MRPS28: variants seen among roughly 807,000 people sequenced by gnomAD.
The protein encoded by MRPS28 is mitochondrial ribosomal protein S28.
MRPS28 carries 7 observed loss-of-function variants against 10.8 expected under a neutral mutation model. The observed-to-expected ratio is 0.65, with a 90% confidence interval of 0.37 to 1.22. The LOEUF is 1.22. Ranked by LOEUF, MRPS28 falls within the 50% of genes most tolerant of loss-of-function variation. The pLI, the probability that MRPS28 is intolerant of heterozygous loss-of-function variation, is 0.02. For missense variants in MRPS28, 265 were observed against 232.9 expected (o/e 1.14, Z -0.90); for synonymous variants, 121 against 93.3 (o/e 1.30, Z -1.71).
At chr8:80,024,843 G>C (rs1809457761) in intron 1 of MRPS28, among the ~76,000 whole-genome samples, 2 of 152,182 alleles carry the variant, frequency 1.3e-5, no homozygotes, top group Non-Finnish European at 2.9e-5. Context: ...AAACAGGTTT[G>C]TAAATGACTT....
At chr8:80,014,533 T>C (rs1453189402) in intron 1 of MRPS28, among the ~76,000 whole-genome samples, 1 of 152,244 alleles carries the variant, frequency 6.6e-6, no homozygotes, top group Non-Finnish European at 1.5e-5. Context: ...ACCTTGGCTC[T>C]ACCGCTTACC....
intron 2 of MRPS28, among the ~76,000 whole-genome samples, chr8:79,923,144 G>A (rs1362878183): frequency 1.3e-5 from 2 of 152,106 alleles, no homozygotes; most frequent in Non-Finnish European, 2.9e-5. Flanking sequence ...ATGTATATAT[G>A]TGTATTTGAC....
chr8:80,002,945 G>A lies in MRPS28; in HGVS notation c.395+54C>T, dbSNP rs564205368. ...ACCTTTCATTCAACAATACTTTTGCGCTATCCCAACTTTTATGAATACTCT... is the reference window on the plus strand; with the variant it reads ...ACCTTTCATTCAACAATACTTTTGCACTATCCCAACTTTTATGAATACTCT... On this transcript the variant is annotated intron_variant, in intron 2 of 2. Transcript: ENST00000276585. The A allele has an allele frequency of 2.0e-5, 28 of 1,368,120 alleles. No individual in the cohort carries two copies. The East Asian group carries it at 2.7e-4, about 13-fold the overall frequency. The allele number at this position is 1,368,120 out of a possible 1,614,324, so 84.7% of individuals were successfully genotyped here.
chr8:79,945,696 ATATT>A (rs1224497936), intron 2 of MRPS28, among the ~76,000 whole-genome samples: 3 of 152,330 alleles, frequency 2.0e-5, no homozygotes, highest in Admixed American at 6.5e-5. Context: ...AAATTAAGTA[ATATT>A]TATTTTCATA....
intron 2 of MRPS28, among the ~76,000 whole-genome samples, chr8:79,961,697 C>T (rs906623461): frequency 1.3e-5 from 2 of 152,134 alleles, no homozygotes; most frequent in Non-Finnish European, 2.9e-5. Context: ...CACGTTCTTT[C>T]CCAATCAGGG....
At chr8:79,960,394 C>T (rs16907345) in intron 2 of MRPS28, among the ~76,000 whole-genome samples, 3,310 of 152,208 alleles carry the variant, frequency 0.022, 133 homozygotes, top group African/African-American at 0.075. Flanking sequence ...ACTGAGAATG[C>T]TGGATGGTTA....
chr8:79,921,331 T>G (rs1203283146), intron 2 of MRPS28, among the ~76,000 whole-genome samples: 3 of 152,000 alleles, frequency 2.0e-5, no homozygotes, highest in African/African-American at 7.2e-5. Flanking sequence ...GTGAAGAAAG[T>G]CATTGGTAGC....
chr8:80,030,204 A>G lies in MRPS28; in HGVS notation c.45T>C (p.His15=), dbSNP rs147506318. The change falls in exon 1 of 3, where the codon CAT becomes CAC. Residue 15 remains histidine, a synonymous_variant. Coordinates refer to ENST00000276585, the MANE Select transcript of MRPS28 (RefSeq NM_014018.3). ...CRTRAVAAES[H]FLRVFLFFRP... is the part of the protein sequence containing the mutation. ...TGAAGAAGAGAAACACTCGCAGAAAATGGCTCTCGGCAGCCACAGCACGGG... is the reference window on the plus strand; with the variant it reads ...TGAAGAAGAGAAACACTCGCAGAAAGTGGCTCTCGGCAGCCACAGCACGGG... 6.2e-7 allele frequency: 1 copy of G among 1,614,208 alleles called. No homozygotes were observed. Among genetic ancestry groups the G allele is most frequent in the Non-Finnish European group, 8.5e-7 (1 of 1,180,044 alleles).
chr8:79,929,511 G>A (rs1400896076), intron 2 of MRPS28, among the ~76,000 whole-genome samples: 7 of 151,900 alleles, frequency 4.6e-5, no homozygotes, highest in Non-Finnish European at 8.8e-5. Flanking sequence ...TAGCAGACTG[G>A]AAAAAAACAG....
chr8:80,020,081 C>T (rs1315052452), intron 1 of MRPS28, among the ~76,000 whole-genome samples: 2 of 152,012 alleles, frequency 1.3e-5, no homozygotes, highest in African/African-American at 2.4e-5. Context: ...AAGCAGGTTG[C>T]GAGGGTGGCT....
chr8:80,017,394 A>G (rs982863886), intron 1 of MRPS28, among the ~76,000 whole-genome samples: 7 of 152,178 alleles, frequency 4.6e-5, no homozygotes, highest in Non-Finnish European at 1.0e-4. Context: ...AAAAGAGAGG[A>G]CACAAATTAC....
chr8:79,974,888 A>G (rs1384871046), intron 2 of MRPS28, among the ~76,000 whole-genome samples: 1 of 152,224 alleles, frequency 6.6e-6, no homozygotes, highest in Non-Finnish European at 1.5e-5. Context: ...AGGTAATAAA[A>G]GCTCAATAAA....
chr8:79,933,883 AC>A (rs1806534952), intron 2 of MRPS28, among the ~76,000 whole-genome samples: 1 of 152,234 alleles, frequency 6.6e-6, no homozygotes, highest in Non-Finnish European at 1.5e-5. Context: ...TTATTCTTTT[AC>A]TGAGTTTCAA....
chr8:80,012,333 A>G (rs1323890784), intron 1 of MRPS28, among the ~76,000 whole-genome samples: 1 of 152,240 alleles, frequency 6.6e-6, no homozygotes, highest in Non-Finnish European at 1.5e-5. Flanking sequence ...CAAAAATCAT[A>G]GTCTAGAACC....
intron 2 of MRPS28, among the ~76,000 whole-genome samples, chr8:79,939,830 C>T (rs1458408639): frequency 6.6e-6 from 1 of 151,960 alleles, no homozygotes; most frequent in Non-Finnish European, 1.5e-5. Flanking sequence ...ATTAGCCGGG[C>T]ATGGTGGCGG....
chr8:79,960,954 C>A (rs889960978), intron 2 of MRPS28, among the ~76,000 whole-genome samples: 1 of 152,000 alleles, frequency 6.6e-6, no homozygotes, highest in African/African-American at 2.4e-5. Flanking sequence ...TTGCTAAGAT[C>A]AACAGCAATG....
chr8:79,941,402 G>A (rs1215152439), intron 2 of MRPS28, among the ~76,000 whole-genome samples: 1 of 151,764 alleles, frequency 6.6e-6, no homozygotes, highest in Admixed American at 6.6e-5. Flanking sequence ...TATTATTCTC[G>A]ATACTCTCTG....
At chr8:79,956,303 CATT>C (rs1563525669) in intron 2 of MRPS28, among the ~76,000 whole-genome samples, 1 of 151,916 alleles carries the variant, frequency 6.6e-6, no homozygotes, top group Non-Finnish European at 1.5e-5. Context: ...TTATACGTGG[CATT>C]ATAAAATGTT....
At chr8:79,938,620 T>C (rs1043842011) in intron 2 of MRPS28, among the ~76,000 whole-genome samples, 1 of 152,202 alleles carries the variant, frequency 6.6e-6, no homozygotes, top group Non-Finnish European at 1.5e-5. Flanking sequence ...CTGTTGCCAG[T>C]ATTTTCCCTC....
Sources: gnomAD v4.1 joint callset for allele counts (sites outside exome capture counted in the v4.1 genomes callset) on GRCh38, gnomAD v4.1.1 for gene constraint, MANE v1.5 for transcripts, NCBI Gene and HGNC (gene_info 2026-07-23, HGNC 2026-07-21) for gene names.